The following NRG3 variants were observed in gnomAD, a reference collection of about 807,000 sequenced individuals.
The protein encoded by NRG3 is pro-neuregulin-3, membrane-bound isoform.
NRG3 carries 31 observed loss-of-function variants against 66.9 expected under a neutral mutation model. The ratio of observed to expected loss-of-function variants is 0.46; its 90% CI spans 0.35 to 0.63. The LOEUF (loss-of-function observed/expected upper bound fraction) is 0.63, where lower values mean the gene tolerates loss of function less well. NRG3 is among the 20% of genes least tolerant of loss of function. NRG3 has a pLI of 0.00. For missense variants in NRG3, 910 were observed against 878.9 expected (o/e 1.04, Z -0.45); for synonymous variants, 393 against 359.4 (o/e 1.09, Z -1.06).
intron 3 of NRG3, among the ~76,000 whole-genome samples, chr10:82,829,408 C>G (rs1008974518): frequency 2.6e-5 from 4 of 152,140 alleles, no homozygotes; most frequent in African/African-American, 9.7e-5. Context: ...AAGTGAGTTT[C>G]ATTTGGGATT....
At chr10:82,753,645 G>T (rs532239009) in intron 3 of NRG3, among the ~76,000 whole-genome samples, 7 of 148,374 alleles carry the variant, frequency 4.7e-5, no homozygotes, top group African/African-American at 1.7e-4. Flanking sequence ...ATTGGGTTTT[G>T]TTTACTACCT....
intron 1 of NRG3, among the ~76,000 whole-genome samples, chr10:81,895,121 G>C (rs1448760268): frequency 6.6e-6 from 1 of 152,096 alleles, no homozygotes; most frequent in African/African-American, 2.4e-5. Context: ...ATCTGCACGG[G>C]TTGGTCGGGC....
intron 2 of NRG3, among the ~76,000 whole-genome samples, chr10:82,401,005 T>C (rs1326333300): frequency 2.0e-5 from 3 of 152,140 alleles, no homozygotes; most frequent in Admixed American, 1.3e-4. Flanking sequence ...GAATGAGATG[T>C]GCACAAGGAT....
chr10:82,952,463 C>CTA (rs1849623612), intron 5 of NRG3, among the ~76,000 whole-genome samples: 1 of 35,420 alleles, frequency 2.8e-5, no homozygotes, highest in African/African-American at 9.4e-5. Context: ...GTCTCTCTCT[C>CTA]TCTCTCTCTG....
Position 82,308,449 on chromosome 10 carries a change from T to C in NRG3, c.824-50290T>C, listed in dbSNP as rs533967034. ...TCTGCTTCTGGGCTCTCTTGTAATA[T>C]CCCGTATGGCTTCTACTTGATTCAG... On this transcript the variant is annotated intron_variant, in intron 1 of 8. Coordinates refer to ENST00000372141, the MANE Select transcript of NRG3 (RefSeq NM_001010848.4). Among the ~76,000 whole-genome samples the C allele has an allele frequency of 2.0e-5, 3 of 152,182 alleles. No homozygotes were observed. The East Asian group carries it at 5.8e-4, about 30-fold the overall frequency.
intron 1 of NRG3, among the ~76,000 whole-genome samples, chr10:82,188,998 C>G (rs1035628553): frequency 2.0e-5 from 3 of 151,796 alleles, no homozygotes; most frequent in African/African-American, 7.3e-5. Flanking sequence ...AAACTAAAAA[C>G]AAAAATTAAA....
chr10:82,964,148 A>T (rs1850956565), intron 6 of NRG3, among the ~76,000 whole-genome samples: 1 of 152,248 alleles, frequency 6.6e-6, no homozygotes, highest in African/African-American at 2.4e-5. Flanking sequence ...AGTACCAGAC[A>T]ATACCTATTA....
At chr10:82,948,496 G>A (rs1413885358) in intron 4 of NRG3, among the ~76,000 whole-genome samples, 4 of 152,016 alleles carry the variant, frequency 2.6e-5, no homozygotes, top group African/African-American at 7.2e-5. Context: ...GATTTTAATA[G>A]CATTGCAATC....
chr10:82,619,585 A>G lies in NRG3; in HGVS notation c.954-118992A>G, dbSNP rs139979594. Among the ~76,000 whole-genome samples, 569 of 152,316 alleles carry G rather than the reference A, an allele frequency of 3.7e-3. 2 individuals carry two copies. Among genetic ancestry groups the G allele is most frequent in the Admixed American group, 7.4e-3 (113 of 15,294 alleles). ...CACCTTTTCTTGGATGATCAATATTACAGGATAAATTGTGTTTCCTAAAAA... is the reference window on the plus strand; with the variant it reads ...CACCTTTTCTTGGATGATCAATATTGCAGGATAAATTGTGTTTCCTAAAAA... On this transcript the variant is annotated intron_variant, in intron 2 of 8. Transcript: ENST00000372141.
At chr10:82,805,387 T>G (rs1490964811) in intron 3 of NRG3, among the ~76,000 whole-genome samples, 15 of 152,216 alleles carry the variant, frequency 9.9e-5, no homozygotes, top group Admixed American at 9.8e-4. Context: ...AACCACTCAC[T>G]GCTCCTCAAA....
chr10:82,321,350 T>G (rs1053482128), intron 1 of NRG3, among the ~76,000 whole-genome samples: 29 of 150,606 alleles, frequency 1.9e-4, no homozygotes, highest in African/African-American at 7.2e-4. Context: ...GCCCCCCAAA[T>G]AATTATCATT....
intron 4 of NRG3, among the ~76,000 whole-genome samples, chr10:82,872,602 A>G (rs908566979): frequency 4.6e-5 from 7 of 152,136 alleles, no homozygotes; most frequent in Non-Finnish European, 1.0e-4. Context: ...GATGTATAAG[A>G]TGTTGGATAT....
At chr10:82,144,937 C>T (rs916817204) in intron 1 of NRG3, among the ~76,000 whole-genome samples, 2 of 152,162 alleles carry the variant, frequency 1.3e-5, no homozygotes, top group Non-Finnish European at 2.9e-5. Flanking sequence ...GAGAATTGCC[C>T]TTTGTTTCTT....
intron 2 of NRG3, among the ~76,000 whole-genome samples, chr10:82,393,359 A>G (rs2086513643): frequency 6.6e-6 from 1 of 152,148 alleles, no homozygotes; most frequent in Admixed American, 6.5e-5. Context: ...CGTAATTTGC[A>G]TGGGGTCCAG....
chr10:82,886,401 T>G (rs927460667), intron 4 of NRG3, among the ~76,000 whole-genome samples: 14 of 152,310 alleles, frequency 9.2e-5, no homozygotes, highest in African/African-American at 3.1e-4. Context: ...GGAAGAGGAA[T>G]GTATTTTTGG....
At chr10:82,764,878 A>G in intron 3 of NRG3, among the ~76,000 whole-genome samples, 1 of 152,014 alleles carries the variant, frequency 6.6e-6, no homozygotes, top group South Asian at 2.1e-4. Flanking sequence ...GAGGAAAGAA[A>G]AGAGAGAGAG....
At chr10:82,337,993 C>A (rs780657972) in intron 1 of NRG3, among the ~76,000 whole-genome samples, 10 of 152,156 alleles carry the variant, frequency 6.6e-5, no homozygotes, top group Admixed American at 1.3e-4. Flanking sequence ...GATCCGCACG[C>A]CTTCCCTTTG....
At chr10:82,139,585 G>A (rs2069621032) in intron 1 of NRG3, among the ~76,000 whole-genome samples, 1 of 152,096 alleles carries the variant, frequency 6.6e-6, no homozygotes, top group Non-Finnish European at 1.5e-5. Flanking sequence ...TCTTTTGGAA[G>A]CATCAAGCTT....
At chr10:82,418,846 G>A (rs916227434) in intron 2 of NRG3, among the ~76,000 whole-genome samples, 4 of 151,712 alleles carry the variant, frequency 2.6e-5, no homozygotes, top group Admixed American at 2.0e-4. Context: ...GGCAATCCTC[G>A]CACCTCAGGC....
Sources: allele counts gnomAD v4.1 joint callset (sites outside exome capture counted in the v4.1 genomes callset), GRCh38; gene constraint gnomAD v4.1.1; transcripts MANE v1.5; gene names NCBI Gene and HGNC (gene_info 2026-07-23, HGNC 2026-07-21).